ATAD2B: variants seen among roughly 807,000 people sequenced by gnomAD.
The protein encoded by ATAD2B is ATPase family AAA domain containing 2B, also known as ATPase family AAA domain-containing protein 2B.
ATAD2B carries 40 observed loss-of-function variants against 167.6 expected under a neutral mutation model. The ratio of observed to expected loss-of-function variants is 0.24; its 90% CI spans 0.19 to 0.31. The LOEUF (loss-of-function observed/expected upper bound fraction) is 0.31. Ranked by LOEUF, ATAD2B falls within the 10% of genes least tolerant of loss-of-function variation. The pLI is 1.00. For synonymous variants in ATAD2B, 579 were observed against 596.5 expected, an observed-to-expected ratio of 0.97 and a Z score of 0.43; for missense variants, 1,242 against 1,757.2, an observed-to-expected ratio of 0.71 and a Z score of 5.24.
At chr2:23,875,994 T>TTTG (rs1007972444) in intron 7 of ATAD2B, 90 bp from the exon 8 acceptor site, 1 of 1,002,404 alleles carries the variant, frequency 1.0e-6, no homozygotes, top group East Asian at 2.7e-5. Flanking sequence ...TGCTCACTTT[T>TTTG]TTGTTGTTGT....
the ATAD2B span, among the ~76,000 whole-genome samples, chr2:23,709,740 C>A: frequency 2.6e-5 from 4 of 152,060 alleles, no homozygotes; most frequent in African/African-American, 9.7e-5. Flanking sequence ...ATACTCTTGT[C>A]AAATAAATAT....
intron 1 of ATAD2B, among the ~76,000 whole-genome samples, chr2:23,911,976 CAAA>C (rs1160482347): frequency 1.6e-5 from 1 of 63,164 alleles, no homozygotes. Flanking sequence ...GATTCCATCT[CAAA>C]AAAAAAAAAA....
intron 1 of ATAD2B, among the ~76,000 whole-genome samples, chr2:23,921,102 A>G (rs1408760429): frequency 2.8e-5 from 4 of 143,488 alleles, no homozygotes; most frequent in Non-Finnish European, 6.0e-5. Flanking sequence ...GCTACTTGGG[A>G]GGCTGAGGCA....
At chr2:23,822,049 G>T (rs748617889) in intron 16 of ATAD2B, among the ~76,000 whole-genome samples, 1 of 152,130 alleles carries the variant, frequency 6.6e-6, no homozygotes, top group Non-Finnish European at 1.5e-5. Context: ...CTAAAATGAG[G>T]TTCTTATTTA....
rs541849955 is a variant in ATAD2B, at chr2:23,794,159, G to A, written c.2640+3979C>T. On this transcript the variant is annotated intron_variant, in intron 19 of 27. Coordinates refer to ENST00000238789, the MANE Select transcript of ATAD2B (RefSeq NM_017552.4). Reference sequence around the variant, plus strand: ...TGAATAGCTGGGACTACAGGCACGCGCCATCATACCCAGCTAATTTTTGTA... The same window carrying A: ...TGAATAGCTGGGACTACAGGCACGCACCATCATACCCAGCTAATTTTTGTA... 3.3e-5 allele frequency among the ~76,000 whole-genome samples: 5 copies of A among 152,212 alleles called. No individual in the cohort carries two copies. In the East Asian group the frequency reaches 7.7e-4, roughly 24 times the overall value.
rs573218027 is a variant in ATAD2B, at chr2:23,926,746, G to A, written c.25C>T (p.Leu9Phe). 3.9e-6 allele frequency: 6 copies of A among 1,547,304 alleles called. No individual in the cohort carries two copies. In the East Asian group the frequency reaches 1.5e-4, roughly 38 times the overall value. The change falls in exon 1 of 28, where the codon CTC becomes TTC. Residue 9 changes from leucine to phenylalanine, a missense_variant. Leu to Phe is a conservative substitution (Grantham distance 22, BLOSUM62 0). Around this residue, in one of 9 missense-constraint regions of ATAD2B, gnomAD observed 199 missense variants for 194.9 expected, o/e 1.02. Coordinates refer to ENST00000238789, the MANE Select transcript of ATAD2B (RefSeq NM_017552.4). ...GGAGACTTGGACCCGAGAAGGCGGA[G>A]AGAGCTCTTCCGGGTGTTCACCATG... MVNTRKSS[L>F]RLLGSKSPGP...
chr2:23,760,890 C>T (rs1225159645), intron 24 of ATAD2B, among the ~76,000 whole-genome samples: 2 of 151,920 alleles, frequency 1.3e-5, no homozygotes, highest in South Asian at 4.1e-4. Flanking sequence ...AAAGCAACTA[C>T]GCCTTAGGGA....
chr2:23,709,461 G>A, the ATAD2B span, among the ~76,000 whole-genome samples: 3 of 152,212 alleles, frequency 2.0e-5, no homozygotes, highest in African/African-American at 4.8e-5. Flanking sequence ...AAGGACTTGC[G>A]TGCCAGGCTC....
chr2:23,785,599 G>C (rs1190061621), intron 21 of ATAD2B, among the ~76,000 whole-genome samples: 1 of 151,968 alleles, frequency 6.6e-6, no homozygotes, highest in East Asian at 1.9e-4. Flanking sequence ...AAATATGAAA[G>C]ACAAAGAAAT....
the ATAD2B span, among the ~76,000 whole-genome samples, chr2:23,701,658 A>G: frequency 1.0e-5 from 1 of 97,566 alleles, no homozygotes; most frequent in Admixed American, 1.4e-4. Flanking sequence ...GGCTGCAGTG[A>G]GCCATAATCA....
At chr2:23,805,169 A>G (rs931862967) in intron 18 of ATAD2B, among the ~76,000 whole-genome samples, 37 of 152,026 alleles carry the variant, frequency 2.4e-4, no homozygotes, top group Admixed American at 2.2e-3. Context: ...AAAAGAAAAG[A>G]AAATATTTCT....
chr2:23,739,544 C>T, the ATAD2B span, among the ~76,000 whole-genome samples: 1 of 151,824 alleles, frequency 6.6e-6, no homozygotes, highest in African/African-American at 2.4e-5. Context: ...GGGACACATT[C>T]AAAGCAGTGT....
chr2:23,858,195 A>G (rs1573073464), intron 12 of ATAD2B, among the ~76,000 whole-genome samples: 2 of 151,812 alleles, frequency 1.3e-5, no homozygotes, highest in East Asian at 3.9e-4. Context: ...ATCTTGGTTC[A>G]CTGCAACCTC....
intron 22 of ATAD2B, among the ~76,000 whole-genome samples, chr2:23,767,507 T>C (rs1247751705): frequency 2.0e-5 from 3 of 152,190 alleles, no homozygotes; most frequent in African/African-American, 4.8e-5. Flanking sequence ...ACTGAAACTA[T>C]TTATAACAGT....
chr2:23,866,632 A>G (rs1207317545), intron 10 of ATAD2B, among the ~76,000 whole-genome samples: 1 of 152,222 alleles, frequency 6.6e-6, no homozygotes, highest in Non-Finnish European at 1.5e-5. Context: ...AAGGTGCACT[A>G]TTAGAAATGG....
At chr2:23,879,951 AG>A (rs1444976439) in intron 7 of ATAD2B, among the ~76,000 whole-genome samples, 5 of 151,744 alleles carry the variant, frequency 3.3e-5, no homozygotes, top group African/African-American at 1.2e-4. Flanking sequence ...CCAGCTACTC[AG>A]GAGGCTGAGG....
chr2:23,762,303 T>C lies in ATAD2B; in HGVS notation c.3300A>G (p.Gly1100=), dbSNP rs1372643574. 1 of 1,613,610 alleles carries C rather than the reference T, an allele frequency of 6.2e-7. No homozygotes were observed. The highest frequency in any genetic ancestry group is 1.7e-5 in the Admixed American group (1 of 59,980). Residue 1100 remains glycine, a synonymous_variant, in exon 24 of 28, where the codon GGA becomes GGG. Transcript: ENST00000238789. ...TSEQINPHST[G]ARKTETRVEE... is the part of the protein sequence containing the mutation. ...CGACTCTAGTTTCTGTCTTCCGAGC[T>C]CCAGTACTATGAGGATTTATTTGTT... is the stretch of plus-strand genomic sequence containing the variant.
chr2:23,832,614 A>G lies in ATAD2B; in HGVS notation c.1728+1305T>C, dbSNP rs983598940. The G allele has an allele frequency of 1.8e-5, 3 of 162,700 alleles. No individual in the cohort carries two copies. The East Asian group carries it at 5.5e-4, about 30-fold the overall frequency. 10.1% of individuals were successfully genotyped at this position (162,700 alleles called of 1,614,324 possible). A position where few individuals can be genotyped will look rare whatever the true frequency, so the allele number is the denominator to read the frequency against. On this transcript the variant is annotated intron_variant, in intron 14 of 27. Transcript: ENST00000238789. ...AACAATGCCAAAATAGAACGTTTCC[A>G]TCATCACAGAAAATTCTATTAGACA...
At chr2:23,799,470 G>A (rs926553683) in intron 18 of ATAD2B, among the ~76,000 whole-genome samples, 1 of 146,812 alleles carries the variant, frequency 6.8e-6, no homozygotes, top group African/African-American at 2.5e-5. Flanking sequence ...CTACTCAGGA[G>A]ACTGAGGCAG....
Sources: allele counts gnomAD v4.1 joint callset (sites outside exome capture counted in the v4.1 genomes callset), GRCh38; gene constraint gnomAD v4.1.1; regional missense constraint gnomAD v4.1.1; transcripts MANE v1.5; gene names NCBI Gene and HGNC (gene_info 2026-07-23, HGNC 2026-07-21).